KIAA1217: variants seen among roughly 807,000 people sequenced by gnomAD.
The protein encoded by KIAA1217 is KIAA1217, also known as sickle tail protein homolog.
In KIAA1217, 88 loss-of-function variants were observed where a neutral mutation model predicts 163.9. The ratio of observed to expected loss-of-function variants is 0.54; its 90% CI spans 0.45 to 0.64. The LOEUF (loss-of-function observed/expected upper bound fraction) is 0.64. Ranked by LOEUF, KIAA1217 falls within the 30% of genes least tolerant of loss-of-function variation. The probability of loss-of-function intolerance (pLI) is 0.00; values close to 1 mark genes in which losing one functional copy is unlikely to be tolerated. For synonymous variants in KIAA1217, 903 were observed against 923.1 expected (o/e 0.98, Z 0.39); for missense variants, 2,372 against 2,475.0 (o/e 0.96, Z 0.88).
At chr10:23,742,502 G>A (rs1480041102) in intron 1 of KIAA1217, among the ~76,000 whole-genome samples, 2 of 152,180 alleles carry the variant, frequency 1.3e-5, no homozygotes, top group Admixed American at 6.5e-5. Flanking sequence ...GAGGGCTTGG[G>A]GAGCTTCCAA....
chr10:23,894,571 T>G (rs36161447), intron 1 of KIAA1217, among the ~76,000 whole-genome samples: 29,630 of 142,862 alleles, frequency 0.21, 3,404 homozygotes, highest in Middle Eastern at 0.31. Context: ...CTGCCCAAGG[T>G]AATGGATAGA....
chr10:23,704,415 C>T (rs1323787704), intron 1 of KIAA1217, among the ~76,000 whole-genome samples: 1 of 151,556 alleles, frequency 6.6e-6, no homozygotes, highest in Admixed American at 6.6e-5. Flanking sequence ...ATTTTCATCT[C>T]CCCTAAAAGA....
intron 2 of KIAA1217, among the ~76,000 whole-genome samples, chr10:24,229,333 G>A (rs978717301): frequency 6.6e-6 from 1 of 151,146 alleles, no homozygotes; most frequent in Non-Finnish European, 1.5e-5. Context: ...AAATAAATAA[G>A]TAAAAAGTTT....
At chr10:23,790,711 ATATG>A (rs10594361) in intron 1 of KIAA1217, among the ~76,000 whole-genome samples, 11,537 of 140,078 alleles carry the variant, frequency 0.082, 1,461 homozygotes, top group African/African-American at 0.26. Context: ...ACACATATAT[ATATG>A]TATGTATGTA....
At chr10:24,238,608 T>G (rs565945804) in intron 2 of KIAA1217, among the ~76,000 whole-genome samples, 755 of 152,086 alleles carry the variant, frequency 5.0e-3, no homozygotes, top group Non-Finnish European at 8.1e-3. Flanking sequence ...CGAGGGGAAA[T>G]GCACACACAC....
intron 16 of KIAA1217, among the ~76,000 whole-genome samples, chr10:24,536,326 A>G (rs2074003856): frequency 6.6e-6 from 1 of 152,192 alleles, no homozygotes; most frequent in Admixed American, 6.5e-5. Flanking sequence ...GAGTACTTTT[A>G]TTGTAAGACT....
intron 2 of KIAA1217, among the ~76,000 whole-genome samples, chr10:24,363,357 T>C (rs1169256062): frequency 6.6e-6 from 1 of 152,160 alleles, no homozygotes; most frequent in African/African-American, 2.4e-5. Flanking sequence ...TTCAAAGAGA[T>C]CTCAAGTGCC....
rs563392982 is a variant in KIAA1217 at position 24,231,739 on chromosome 10, A to T, written c.354+11830A>T. ...TAAGAGAGATGATGTTCCTCAAGGG[A>T]TGAGATGAAGGAGCTAGCTTGGATG... On this transcript the variant is annotated intron_variant, in intron 2 of 20. Transcript: ENST00000376454. Among the ~76,000 whole-genome samples, 11 of 152,238 alleles carry T rather than the reference A, an allele frequency of 7.2e-5. No homozygotes were observed. The South Asian group carries it at 2.1e-3, about 29-fold the overall frequency.
chr10:24,307,051 T>G (rs2042082784), intron 2 of KIAA1217, among the ~76,000 whole-genome samples: 1 of 152,248 alleles, frequency 6.6e-6, no homozygotes, highest in South Asian at 2.1e-4. Context: ...GCAGCAGCTT[T>G]CACGTCAGTA....
intron 2 of KIAA1217, among the ~76,000 whole-genome samples, chr10:24,138,448 G>A (rs376179758): frequency 6.6e-6 from 1 of 152,152 alleles, no homozygotes; most frequent in Non-Finnish European, 1.5e-5. Flanking sequence ...GAGCTGGCCT[G>A]TATATATTTT....
intron 1 of KIAA1217, among the ~76,000 whole-genome samples, chr10:23,735,381 C>A (rs923405778): frequency 1.3e-5 from 2 of 152,096 alleles, no homozygotes; most frequent in African/African-American, 2.4e-5. Flanking sequence ...TACAGAGTGG[C>A]ATACCACTTT....
At chr10:23,701,260 T>A (rs1836429996) in intron 1 of KIAA1217, among the ~76,000 whole-genome samples, 1 of 152,220 alleles carries the variant, frequency 6.6e-6, no homozygotes, top group Non-Finnish European at 1.5e-5. Context: ...GAAGTCCCAA[T>A]GGCTGTTTAC....
chr10:24,293,229 T>C (rs1033578420), intron 2 of KIAA1217, among the ~76,000 whole-genome samples: 2 of 152,046 alleles, frequency 1.3e-5, no homozygotes, highest in Admixed American at 1.3e-4. Context: ...TGTTGTTGTT[T>C]GTTTTGTTTG....
intron 1 of KIAA1217, among the ~76,000 whole-genome samples, chr10:23,740,510 C>A (rs991031609): frequency 6.6e-6 from 1 of 152,102 alleles, no homozygotes; most frequent in Non-Finnish European, 1.5e-5. Flanking sequence ...AGATGCGCAC[C>A]ACCACACCCA....
In KIAA1217 at chr10:23,803,909, A is replaced by G. The variant is rs143191693; in HGVS notation, c.-321+108675A>G. Among the ~76,000 whole-genome samples, 564 of 152,290 alleles carry G rather than the reference A, an allele frequency of 3.7e-3. 9 individuals are homozygous for G. Among genetic ancestry groups the G allele is most frequent in the African/African-American group, 0.012 (519 of 41,562 alleles). ...CATACACACACACACAATGACAAAG[A>G]CATTGATGCAGACTCATATAGATAT... On this transcript the variant is annotated intron_variant, in intron 1 of 18. Transcript: ENST00000376462.
chr10:24,061,760 T>C (rs2060731203), intron 2 of KIAA1217, among the ~76,000 whole-genome samples: 1 of 152,248 alleles, frequency 6.6e-6, no homozygotes, highest in African/African-American at 2.4e-5. Flanking sequence ...GAAAATCTTC[T>C]CAAAGCTCCC....
upstream of KIAA1217, chr10:24,209,004 C>A (rs983075393): frequency 1.7e-6 from 1 of 581,888 alleles, no homozygotes; most frequent in African/African-American, 1.9e-5. Context: ...ATCCAAGAGG[C>A]CCCGCGCTGG....
chr10:24,093,249 C>A (rs1040073692), intron 2 of KIAA1217, among the ~76,000 whole-genome samples: 15 of 151,738 alleles, frequency 9.9e-5, no homozygotes, highest in African/African-American at 3.7e-4. Flanking sequence ...CGGCTCACTG[C>A]AGCCTCCACC....
At chr10:23,938,175 C>T (rs1843612940) in intron 1 of KIAA1217, among the ~76,000 whole-genome samples, 1 of 152,134 alleles carries the variant, frequency 6.6e-6, no homozygotes, top group Non-Finnish European at 1.5e-5. Flanking sequence ...TTCCTCAGAG[C>T]TCACGCAAGA....
Sources: allele counts gnomAD v4.1 joint callset (sites outside exome capture counted in the v4.1 genomes callset), GRCh38; gene constraint gnomAD v4.1.1; transcripts MANE v1.5; gene names NCBI Gene and HGNC (gene_info 2026-07-23, HGNC 2026-07-21).